Variants in SCN8A observed in about 807,000 individuals in gnomAD.
The protein encoded by SCN8A is sodium voltage-gated channel alpha subunit 8, also known as sodium channel protein type 8 subunit alpha.
Under a neutral mutation model 184.1 loss-of-function variants are expected in SCN8A, and 30 were observed. The ratio of observed to expected loss-of-function variants is 0.16; its 90% CI spans 0.12 to 0.22. The LOEUF (loss-of-function observed/expected upper bound fraction) is 0.22, where lower values mean the gene tolerates loss of function less well. Among genes scored for constraint, SCN8A ranks in the 10% least tolerant of loss-of-function variants. SCN8A has a pLI of 1.00. For missense variants in SCN8A, 1,057 were observed against 2,498.9 expected (o/e 0.42, Z 12.30); for synonymous variants, 852 against 907.0 (o/e 0.94, Z 1.09).
chr12:51,780,298 T>C (rs1247030627), intron 20 of SCN8A: 1 of 436,090 alleles, frequency 2.3e-6, no homozygotes, highest in Non-Finnish European at 4.6e-6. Flanking sequence ...CTGTTCAGGC[T>C]CCTCTCCTTC....
intron 11 of SCN8A, among the ~76,000 whole-genome samples, chr12:51,707,506 G>A (rs1035298107): frequency 1.3e-5 from 2 of 151,940 alleles, no homozygotes; most frequent in Non-Finnish European, 2.9e-5. Flanking sequence ...GGCCAGTCTC[G>A]CCTTTTTACG....
At chr12:51,734,945 T>C (rs1278380531) in intron 12 of SCN8A, among the ~76,000 whole-genome samples, 3 of 152,278 alleles carry the variant, frequency 2.0e-5, no homozygotes, top group Non-Finnish European at 4.4e-5. Flanking sequence ...TTCCTGGCAT[T>C]AAGGTCAGGT....
intron 6 of SCN8A, among the ~76,000 whole-genome samples, chr12:51,695,483 T>G (rs753395481): frequency 6.6e-6 from 1 of 152,154 alleles, no homozygotes; most frequent in Non-Finnish European, 1.5e-5. Flanking sequence ...ACATATCAGA[T>G]TAGTGGGGGT....
At chr12:51,630,296 C>A (rs963103004) in intron 1 of SCN8A, among the ~76,000 whole-genome samples, 1 of 152,030 alleles carries the variant, frequency 6.6e-6, no homozygotes, top group African/African-American at 2.4e-5. Context: ...CTCTGACAAC[C>A]GCCATTCTAC....
At chr12:51,778,070 T>C (rs1398359559) in intron 20 of SCN8A, among the ~76,000 whole-genome samples, 3 of 152,220 alleles carry the variant, frequency 2.0e-5, no homozygotes, top group African/African-American at 7.2e-5. Context: ...TAGTTGGTGC[T>C]ACTATGTTCT....
chr12:51,774,005 G>T (rs1046859911), intron 19 of SCN8A, among the ~76,000 whole-genome samples, 184 bp from the exon 20 acceptor site: 1 of 152,186 alleles, frequency 6.6e-6, no homozygotes, highest in Non-Finnish European at 1.5e-5. Context: ...TTTATGATGT[G>T]TGGATTGTAT....
intron 24 of SCN8A, 69 bp from the exon 25 acceptor site, chr12:51,790,329 C>T: frequency 9.1e-7 from 1 of 1,103,018 alleles, no homozygotes; most frequent in Non-Finnish European, 1.3e-6. Flanking sequence ...CAGTATTGAA[C>T]CTTAGGTCCA....
In SCN8A at chr12:51,684,336, G is replaced by A. The variant is rs181052973; in HGVS notation, c.395+44G>A. ...GTGGAGTGAGTGCGGCAATTGCATGGTTGCTTGTTTACCTTTCCAATATTT... is the reference window on the plus strand; with the variant it reads ...GTGGAGTGAGTGCGGCAATTGCATGATTGCTTGTTTACCTTTCCAATATTT... On this transcript the variant is annotated intron_variant, in intron 3 of 26. Transcript: ENST00000627620. 5.8e-4 allele frequency: 545 copies of A among 933,242 alleles called. 1 individual carries two copies. In the East Asian group the frequency reaches 7.9e-3, roughly 13 times the overall value. The allele number at this position is 933,242 out of a possible 1,614,324, so 57.8% of individuals were successfully genotyped here.
chr12:51,725,338 A>G (rs768815706), intron 12 of SCN8A, among the ~76,000 whole-genome samples: 5 of 152,214 alleles, frequency 3.3e-5, no homozygotes, highest in East Asian at 1.9e-4. Flanking sequence ...GACAAACTAC[A>G]TAGAGAAAGA....
At chr12:51,718,068 G>A (rs1565898339) in intron 11 of SCN8A, among the ~76,000 whole-genome samples, 1 of 152,186 alleles carries the variant, frequency 6.6e-6, no homozygotes, top group Non-Finnish European at 1.5e-5. Flanking sequence ...CAGGGGCTTT[G>A]TACATTACAA....
chr12:51,692,751 A>T (rs1459226714), intron 6 of SCN8A, among the ~76,000 whole-genome samples: 1 of 152,222 alleles, frequency 6.6e-6, no homozygotes, highest in East Asian at 1.9e-4. Flanking sequence ...TGTCCTCTGC[A>T]TGCTTTGATC....
At chr12:51,745,641 G>T (rs961525484) in intron 12 of SCN8A, among the ~76,000 whole-genome samples, 2 of 152,200 alleles carry the variant, frequency 1.3e-5, no homozygotes, top group African/African-American at 4.8e-5. Flanking sequence ...AATGAACCAG[G>T]TGAGATGTTT....
chr12:51,739,329 C>T (rs1264646909), intron 12 of SCN8A, among the ~76,000 whole-genome samples: 7 of 152,138 alleles, frequency 4.6e-5, no homozygotes, highest in Admixed American at 3.3e-4. Flanking sequence ...AACTAAGAGC[C>T]GTCACTCGAG....
chr12:51,803,219 G>A (rs950731603), intron 26 of SCN8A, among the ~76,000 whole-genome samples: 2 of 152,096 alleles, frequency 1.3e-5, no homozygotes, highest in Admixed American at 6.5e-5. Context: ...TAAGTCCAAG[G>A]GTCCAAAAGC....
chr12:51,658,561 A>ACAAAGGC (rs1291651147), intron 1 of SCN8A, among the ~76,000 whole-genome samples: 1 of 152,196 alleles, frequency 6.6e-6, no homozygotes, highest in Non-Finnish European at 1.5e-5. Context: ...GAAGTCAGAC[A>ACAAAGGC]CAAAGGCTCA....
At chr12:51,793,080 C>G (rs1938311176) in intron 25 of SCN8A, among the ~76,000 whole-genome samples, 1 of 152,046 alleles carries the variant, frequency 6.6e-6, no homozygotes. Context: ...ATTACACTTG[C>G]TATTATATGA....
chr12:51,740,501 T>C (rs992421094), intron 12 of SCN8A, among the ~76,000 whole-genome samples: 1 of 152,216 alleles, frequency 6.6e-6, no homozygotes, highest in Non-Finnish European at 1.5e-5. Flanking sequence ...AGATGCTTGA[T>C]ATTGTGGTAA....
chr12:51,716,683 G>A (rs1941970028), intron 11 of SCN8A, among the ~76,000 whole-genome samples: 1 of 152,152 alleles, frequency 6.6e-6, no homozygotes, highest in African/African-American at 2.4e-5. Context: ...AAGGGGCCAT[G>A]AGTACCTGAG....
At chr12:51,602,320 C>G (rs1939484836) in intron 1 of SCN8A, among the ~76,000 whole-genome samples, 1 of 152,074 alleles carries the variant, frequency 6.6e-6, no homozygotes, top group Non-Finnish European at 1.5e-5. Context: ...AAAAATAAAG[C>G]AAAGGTAAAA....
Sources: gnomAD v4.1 joint callset for allele counts (sites outside exome capture counted in the v4.1 genomes callset) on GRCh38, gnomAD v4.1.1 for gene constraint, MANE v1.5 for transcripts, NCBI Gene and HGNC (gene_info 2026-07-23, HGNC 2026-07-21) for gene names.